SUCNR1: variants seen among roughly 807,000 people sequenced by gnomAD.
The protein encoded by SUCNR1 is G-protein coupled receptor 91.
A neutral mutation model predicts 2.4 loss-of-function variants in SUCNR1; 5 were observed. The ratio of observed to expected loss-of-function variants is 2.07; its 90% CI spans 1.08 to 4.36. The LOEUF (loss-of-function observed/expected upper bound fraction) is 4.36, where lower values mean the gene tolerates loss of function less well. SUCNR1 is among the 30% of genes most tolerant of loss of function. SUCNR1 has a pLI of 0.00. For synonymous variants in SUCNR1, 162 were observed against 143.9 expected (o/e 1.13, Z -0.90); for missense variants, 373 against 399.2 (o/e 0.93, Z 0.56).
Position 151,881,791 on chromosome 3 carries a change from T to C in SUCNR1, c.*243T>C. 5.2e-6 allele frequency: 2 copies of C among 383,090 alleles called. No homozygotes were observed. The highest frequency in any genetic ancestry group is 7.0e-4 in the Middle Eastern group (1 of 1,436). 23.7% of individuals were successfully genotyped at this position (383,090 alleles called of 1,614,324 possible). Reference sequence around the variant, plus strand: ...TCCAAAATACTAGGTAGTATAAGGCTTTCTCAATCAGTGCAAAAATGGAAG... The same window carrying C: ...TCCAAAATACTAGGTAGTATAAGGCCTTCTCAATCAGTGCAAAAATGGAAG... On this transcript the variant is annotated 3_prime_UTR_variant, in exon 3 of 3. Coordinates refer to ENST00000362032, the MANE Select transcript of SUCNR1 (RefSeq NM_033050.6).
At chr3:151,878,909 T>C (rs1718000798) in intron 1 of SUCNR1, among the ~76,000 whole-genome samples, 2 of 152,230 alleles carry the variant, frequency 1.3e-5, no homozygotes, top group African/African-American at 4.8e-5. Context: ...TGCCTTATCA[T>C]AGCAAATTCT....
intron 1 of SUCNR1, among the ~76,000 whole-genome samples, chr3:151,874,144 A>ATTTT (rs1250858360): frequency 0.017 from 1,060 of 62,512 alleles, 15 homozygotes; most frequent in Non-Finnish European, 0.027. Context: ...ATATATATAT[A>ATTTT]TATTTTTTTT....
chr3:151,881,150 ATG>A lies in SUCNR1; in HGVS notation c.611_612del (p.Cys204PhefsTer15), dbSNP rs1718083856. 1.2e-6 allele frequency: 2 copies of A among 1,613,864 alleles called. No homozygotes were observed. Among genetic ancestry groups the A allele is most frequent in the Admixed American group, 1.7e-5 (1 of 59,966 alleles). On this transcript the variant is annotated frameshift_variant, in exon 3 of 3. Coordinates refer to ENST00000362032, the MANE Select transcript of SUCNR1 (RefSeq NM_033050.6). LOFTEE classifies it low-confidence loss of function (END_TRUNC). ...LLGFLIPLFV[M>X]CFFYYKIALF... ...GGGGTTCCTTATTCCTCTTTTTGTG[ATG>A]TGTTTCTTTTATTACAAGATTGCTC... is the stretch of plus-strand genomic sequence containing the variant.
intron 1 of SUCNR1, among the ~76,000 whole-genome samples, chr3:151,874,810 A>G (rs9855643): frequency 0.51 from 77,437 of 151,818 alleles, 21,766 homozygotes; most frequent in African/African-American, 0.76. Context: ...TGCTCAAATT[A>G]TTTAGTAATC....
rs1245151245 is a variant in SUCNR1 at position 151,880,781 on chromosome 3, A to T, written c.238A>T (p.Ile80Leu). 1.9e-6 allele frequency: 3 copies of T among 1,614,098 alleles called. No individual in the cohort carries two copies. Among genetic ancestry groups the T allele is most frequent in the Middle Eastern group, 1.6e-4 (1 of 6,062 alleles). The part of the protein sequence containing the change: ...LAFLCTLPML[I>L]RSYANGNWIY... ...TTTTCTGTGCACCCTCCCCATGCTGATAAGGAGTTATGCCAATGGAAACTG... is the reference window on the plus strand; with the variant it reads ...TTTTCTGTGCACCCTCCCCATGCTGTTAAGGAGTTATGCCAATGGAAACTG... Residue 80 changes from isoleucine to leucine, a missense_variant, in exon 3 of 3, where the codon ATA becomes TTA. By Grantham distance (5) the Ile-to-Leu change is conservative (BLOSUM62 2). Transcript: ENST00000362032.
intron 1 of SUCNR1, among the ~76,000 whole-genome samples, chr3:151,877,396 T>C (rs1240468989): frequency 6.6e-6 from 1 of 152,060 alleles, no homozygotes; most frequent in African/African-American, 2.4e-5. Context: ...TTAGCTATAA[T>C]GGTAAAGATG....
At chr3:151,879,785 T>C (rs994944162) in intron 1 of SUCNR1, 67 bp from the exon 2 acceptor site, 3 of 649,014 alleles carry the variant, frequency 4.6e-6, no homozygotes, top group Non-Finnish European at 7.6e-6. Context: ...TCTTTGGCAA[T>C]ATGGAAACAA....
chr3:151,874,333 C>T (rs897146915), intron 1 of SUCNR1, among the ~76,000 whole-genome samples: 39 of 150,010 alleles, frequency 2.6e-4, no homozygotes, highest in African/African-American at 7.7e-4. Context: ...CACCACCACG[C>T]CCGGCTATTT....
At chr3:151,874,142 ATATATT>A (rs1559855955) in intron 1 of SUCNR1, among the ~76,000 whole-genome samples, 8 of 53,166 alleles carry the variant, frequency 1.5e-4, no homozygotes, top group Middle Eastern at 0.011. Context: ...ATATATATAT[ATATATT>A]TTTTTTTTTT....
chr3:151,881,376 T>C lies in SUCNR1; in HGVS notation c.833T>C (p.Ile278Thr), dbSNP rs1045709223. 3.1e-6 allele frequency: 5 copies of C among 1,614,182 alleles called. No homozygotes were observed. The highest frequency in any genetic ancestry group is 2.2e-5 in the East Asian group (1 of 44,876). The change falls in exon 3 of 3, where the codon ATT becomes ACT. Residue 278 changes from isoleucine (I) to threonine (T), a missense_variant. Ile to Thr is a moderately conservative substitution (Grantham distance 89). Transcript: ENST00000362032. ...CAGGTCGTCATCAACTCCTTTTACA[T>C]TGTGACACGGCCTTTGGCCTTTCTG... ...CTQVVINSFY[I>T]VTRPLAFLNS...
chr3:151,878,299 T>C (rs1169903879), intron 1 of SUCNR1, among the ~76,000 whole-genome samples: 1 of 151,732 alleles, frequency 6.6e-6, no homozygotes, highest in Non-Finnish European at 1.5e-5. Context: ...ATGATGAGAG[T>C]GTTTAAATTC....
At chr3:151,877,442 T>C (rs375929617) in intron 1 of SUCNR1, among the ~76,000 whole-genome samples, 15 of 152,046 alleles carry the variant, frequency 9.9e-5, no homozygotes, top group South Asian at 4.1e-4. Context: ...GAGGAGACAA[T>C]AGCAGAATAT....
At position 151,879,848 on chromosome 3, in the gene SUCNR1, C is replaced by T; in HGVS notation, c.-41-4C>T. 1.4e-6 allele frequency: 2 copies of T among 1,472,026 alleles called. No individual in the cohort carries two copies. The highest frequency in any genetic ancestry group is 1.8e-6 in the Non-Finnish European group (2 of 1,092,944). 91.2% of individuals were successfully genotyped at this position (1,472,026 alleles called of 1,614,324 possible). On this transcript the variant is annotated splice_polypyrimidine_tract_variant and splice_region_variant and intron_variant, in intron 1 of 2. Transcript: ENST00000362032. The stretch of plus-strand genomic sequence containing the variant: ...GTTCTAAAAATTCTTATTTCCTCTT[C>T]TAGGTTATGGTTTAACTCAGCAGAA...
chr3:151,880,750 C>T lies in SUCNR1; in HGVS notation c.207C>T (p.Asp69=). 1 of 1,614,066 alleles carries T rather than the reference C, an allele frequency of 6.2e-7. No homozygotes were observed. The highest frequency in any genetic ancestry group is 8.5e-7 in the Non-Finnish European group (1 of 1,179,962). ...ATCTCTTTAACCTCTCTGTCTCTGACTTAGCTTTTCTGTGCACCCTCCCCA... is the reference window on the plus strand; with the variant it reads ...ATCTCTTTAACCTCTCTGTCTCTGATTTAGCTTTTCTGTGCACCCTCCCCA... ...NIYLFNLSVS[D]LAFLCTLPML... is the part of the protein sequence containing the mutation. The change falls in exon 3 of 3, where the codon GAC becomes GAT. Residue 69 remains aspartate, a synonymous_variant. Transcript: ENST00000362032.
intron 1 of SUCNR1, among the ~76,000 whole-genome samples, chr3:151,874,125 C>CATATATATAT (rs1171918094): frequency 2.3e-5 from 2 of 86,888 alleles, no homozygotes; most frequent in South Asian, 4.5e-4. Context: ...CATATACATA[C>CATATATATAT]ATATATATAT....
chr3:151,875,483 C>A (rs1717897294), intron 1 of SUCNR1, among the ~76,000 whole-genome samples: 1 of 151,950 alleles, frequency 6.6e-6, no homozygotes, highest in South Asian at 2.1e-4. Flanking sequence ...TTTATAAAAT[C>A]ATAATCTATT....
Position 151,874,146 on chromosome 3 carries a change from ATTTTTTTTTTT to A in SUCNR1, c.-42+454_-42+464del, listed in dbSNP as rs56678758. Among the ~76,000 whole-genome samples the A allele has an allele frequency of 1.6e-3, 99 of 60,214 alleles. 1 individual carries two copies. The highest frequency in any genetic ancestry group is 7.1e-3 in the South Asian group (10 of 1,400). The allele number at this position is 60,214 out of a possible 152,430, so 39.5% of individuals were successfully genotyped here. On this transcript the variant is annotated intron_variant, in intron 1 of 2. Coordinates refer to ENST00000362032, the MANE Select transcript of SUCNR1 (RefSeq NM_033050.6). The stretch of plus-strand genomic sequence containing the variant: ...CATACATATATATATATATATATAT[ATTTTTTTTTTT>A]TTTTTTTTTTTTTAAGACAGAGTTT...
chr3:151,874,689 G>A (rs1717869628), intron 1 of SUCNR1, among the ~76,000 whole-genome samples: 1 of 151,988 alleles, frequency 6.6e-6, no homozygotes, highest in Non-Finnish European at 1.5e-5. Flanking sequence ...CACAATTTGT[G>A]CCATACTATT....
rs1190137566 is a variant in SUCNR1, at chr3:151,881,097, T to TCATTTACAG, written c.558_566dup (p.Ile186_Ser188dup). ...AGTTCTGGAGACCCCAACTACAACC[T>TCATTTACAG]CATTTACAGCATGTGTCTAACACTG... On this transcript the variant is annotated inframe_insertion, in exon 3 of 3. Transcript: ENST00000362032. 6.8e-6 allele frequency: 11 copies of TCATTTACAG among 1,614,092 alleles called. No homozygotes were observed. Among genetic ancestry groups the TCATTTACAG allele is most frequent in the Non-Finnish European group, 9.3e-6 (11 of 1,179,978 alleles).
Sources: allele counts gnomAD v4.1 joint callset (sites outside exome capture counted in the v4.1 genomes callset), GRCh38; gene constraint gnomAD v4.1.1; transcripts MANE v1.5; gene names NCBI Gene and HGNC (gene_info 2026-07-23, HGNC 2026-07-21).